The following RICTOR variants were observed in gnomAD, a reference collection of about 807,000 sequenced individuals.
The protein encoded by RICTOR is rapamycin-insensitive companion of mTOR.
Under a neutral mutation model 214.9 loss-of-function variants are expected in RICTOR, and 49 were observed. The observed-to-expected ratio is 0.23, with a 90% CI of 0.18 to 0.29. The LOEUF is 0.29. Among genes scored for constraint, RICTOR ranks in the 10% least tolerant of loss-of-function variants. The pLI is 1.00. For missense variants in RICTOR, 1,625 were observed against 2,047.0 expected (o/e 0.79, Z 3.98); for synonymous variants, 717 against 711.3 (o/e 1.01, Z -0.13).
chr5:38,961,956 A>C (rs1189113803), intron 19 of RICTOR, among the ~76,000 whole-genome samples: 1 of 152,074 alleles, frequency 6.6e-6, no homozygotes, highest in Non-Finnish European at 1.5e-5. Flanking sequence ...GATAACTCCA[A>C]AGTCAAACAG....
At chr5:39,047,338 A>G (rs1316728277) in intron 2 of RICTOR, among the ~76,000 whole-genome samples, 1 of 152,158 alleles carries the variant, frequency 6.6e-6, no homozygotes, top group African/African-American at 2.4e-5. Flanking sequence ...GATCCCTCGC[A>G]TGTGCAGTTC....
At position 38,946,542 on chromosome 5, in the gene RICTOR, A is replaced by C. The variant is rs765850861; in HGVS notation, c.4325T>G (p.Ile1442Ser). ...DINDIFQVKD[I>S]PYFQTKNIPP... ...TATGTTTTTTGTCTGAAAATAGGGA[A>C]TATCCTTTACCTAAAAAAAGATATA... Residue 1442 changes from isoleucine to serine, a missense_variant, in exon 33 of 38, where the codon ATT (isoleucine) becomes AGT (serine). Coordinates refer to ENST00000357387, the MANE Select transcript of RICTOR (RefSeq NM_152756.5). 39 of 1,600,282 alleles carry C rather than the reference A, an allele frequency of 2.4e-5. No individual in the cohort carries two copies. Among genetic ancestry groups the C allele is most frequent in the Middle Eastern group, 1.7e-4 (1 of 6,042 alleles).
chr5:38,991,117 A>G (rs762073260), intron 6 of RICTOR, 42 bp from the exon 7 acceptor site: 15 of 1,447,708 alleles, frequency 1.0e-5, no homozygotes, highest in Non-Finnish European at 1.3e-5. Flanking sequence ...CTTTAGTAAT[A>G]CATTTCTTAA....
chr5:39,011,386 T>C (rs1026519623), intron 3 of RICTOR, among the ~76,000 whole-genome samples: 3 of 152,064 alleles, frequency 2.0e-5, no homozygotes, highest in African/African-American at 7.2e-5. Context: ...GGAGAACTTC[T>C]GCTAGGACAC....
intron 7 of RICTOR, among the ~76,000 whole-genome samples, chr5:38,987,517 C>G (rs1021498910): frequency 6.6e-6 from 1 of 152,130 alleles, no homozygotes; most frequent in Non-Finnish European, 1.5e-5. Flanking sequence ...TTATAGTATT[C>G]TCTTATAACA....
intron 2 of RICTOR, among the ~76,000 whole-genome samples, chr5:39,066,737 C>T (rs1346832478): frequency 1.3e-5 from 2 of 152,214 alleles, no homozygotes; most frequent in African/African-American, 4.8e-5. Context: ...CCGCCAGATA[C>T]CAGAGGTCAT....
intron 8 of RICTOR, chr5:38,981,497 G>A: frequency 6.3e-6 from 1 of 158,830 alleles, no homozygotes; most frequent in South Asian, 2.0e-4. Flanking sequence ...GATAATTTTA[G>A]GTTTCATAAA....
rs148661802 is a variant in RICTOR, at chr5:39,025,637, G to A, written c.98-4501C>T. Among the ~76,000 whole-genome samples the A allele has an allele frequency of 3.6e-4, 55 of 152,270 alleles. 1 individual carries two copies. In the East Asian group the frequency reaches 8.5e-3, roughly 24 times the overall value. On this transcript the variant is annotated intron_variant, in intron 2 of 37. Transcript: ENST00000357387. Reference sequence around the variant, plus strand: ...CAGGGTGACAGCATGGTCAGGTCCTGGTTCCTCTTTCAGGTCGCAGACTGC... The same window carrying A: ...CAGGGTGACAGCATGGTCAGGTCCTAGTTCCTCTTTCAGGTCGCAGACTGC...
chr5:38,999,314 C>A (rs1340896552), intron 5 of RICTOR, among the ~76,000 whole-genome samples: 1 of 151,564 alleles, frequency 6.6e-6, no homozygotes, highest in Non-Finnish European at 1.5e-5. Context: ...TTTAAAGCAG[C>A]CAGAGGTAAA....
rs773737085 is a variant in RICTOR at position 38,942,984 on chromosome 5, AT to A, written c.4914-14del. 6.3e-7 allele frequency: 1 copy of A among 1,583,852 alleles called. No homozygotes were observed. The highest frequency in any genetic ancestry group is 1.1e-5 in the South Asian group (1 of 90,334). The stretch of plus-strand genomic sequence containing the variant: ...CTTCTCCTTAATTCTAAAATAAAAG[AT>A]TATGGTGTGATGAAAACTGTAATCA... On this transcript the variant is annotated splice_polypyrimidine_tract_variant and intron_variant, in intron 36 of 37. Transcript: ENST00000357387.
chr5:39,058,902 C>G (rs566369075), intron 2 of RICTOR, among the ~76,000 whole-genome samples: 270 of 152,134 alleles, frequency 1.8e-3, no homozygotes, highest in African/African-American at 6.3e-3. Context: ...ATTAAACAGT[C>G]ATTCAAAAAA....
intron 2 of RICTOR, among the ~76,000 whole-genome samples, chr5:39,049,333 A>C (rs1402796080): frequency 2.0e-5 from 3 of 152,212 alleles, no homozygotes; most frequent in African/African-American, 7.2e-5. Context: ...AGAATTATTC[A>C]ATGAAATAAT....
At chr5:39,050,526 A>G (rs1172526604) in intron 2 of RICTOR, among the ~76,000 whole-genome samples, 1 of 151,958 alleles carries the variant, frequency 6.6e-6, no homozygotes, top group African/African-American at 2.4e-5. Flanking sequence ...TTGTAGGGAC[A>G]AGGTTTCACC....
At chr5:39,009,592 A>G (rs985542921) in intron 3 of RICTOR, among the ~76,000 whole-genome samples, 1 of 152,128 alleles carries the variant, frequency 6.6e-6, no homozygotes, top group African/African-American at 2.4e-5. Flanking sequence ...ATGGAATTCA[A>G]TAATGGTTAA....
At chr5:38,984,050 GTT>G (rs33986537) in intron 7 of RICTOR, among the ~76,000 whole-genome samples, 11 of 151,162 alleles carry the variant, frequency 7.3e-5, no homozygotes, top group Non-Finnish European at 1.2e-4. Flanking sequence ...AGAATTACCT[GTT>G]TTTTTTTTTA....
chr5:39,030,754 T>A (rs755510307), intron 2 of RICTOR, among the ~76,000 whole-genome samples: 8 of 152,134 alleles, frequency 5.3e-5, no homozygotes, highest in African/African-American at 1.9e-4. Flanking sequence ...ATAATAAATA[T>A]GTGAGTAAAC....
chr5:39,037,553 A>G (rs1756815647), intron 2 of RICTOR, among the ~76,000 whole-genome samples: 1 of 152,174 alleles, frequency 6.6e-6, no homozygotes, highest in South Asian at 2.1e-4. Flanking sequence ...AAGATCAACA[A>G]AATTGATAGA....
At chr5:39,005,500 A>C (rs1017896270) in intron 3 of RICTOR, among the ~76,000 whole-genome samples, 4 of 152,156 alleles carry the variant, frequency 2.6e-5, no homozygotes, top group Non-Finnish European at 5.9e-5. Flanking sequence ...TAATCCTTTT[A>C]GCCATTCCAA....
intron 2 of RICTOR, among the ~76,000 whole-genome samples, chr5:39,039,379 G>A (rs1303724894): frequency 6.6e-6 from 1 of 152,060 alleles, no homozygotes; most frequent in Non-Finnish European, 1.5e-5. Context: ...GAAAACCTAG[G>A]CAATACCATT....
Sources: gnomAD v4.1 joint callset for allele counts (sites outside exome capture counted in the v4.1 genomes callset) on GRCh38, gnomAD v4.1.1 for gene constraint, MANE v1.5 for transcripts, NCBI Gene and HGNC (gene_info 2026-07-23, HGNC 2026-07-21) for gene names.